ELF2: variants seen among roughly 807,000 people sequenced by gnomAD.
The protein encoded by ELF2 is ETS-related transcription factor Elf-2.
A neutral mutation model predicts 54.8 loss-of-function variants in ELF2; 11 were observed. The observed-to-expected ratio is 0.20, with a 90% CI of 0.13 to 0.33. The LOEUF is 0.33. Ranked by LOEUF, ELF2 falls within the 10% of genes least tolerant of loss-of-function variation. The pLI is 1.00. For missense variants in ELF2, 513 were observed against 703.0 expected, an observed-to-expected ratio of 0.73 and a Z score of 3.06; for synonymous variants, 203 against 245.1, an observed-to-expected ratio of 0.83 and a Z score of 1.61.
intron 1 of ELF2, among the ~76,000 whole-genome samples, chr4:139,150,658 A>G (rs1739785019): frequency 6.6e-6 from 1 of 152,178 alleles, no homozygotes; most frequent in South Asian, 2.1e-4. Context: ...ATGGAACACA[A>G]TATAGAGGCC....
chr4:139,170,076 A>G (rs2148915508), intron 1 of ELF2, among the ~76,000 whole-genome samples: 1 of 152,250 alleles, frequency 6.6e-6, no homozygotes, highest in East Asian at 1.9e-4. Flanking sequence ...TTCAAAATAG[A>G]TGATAAAATC....
intron 4 of ELF2, among the ~76,000 whole-genome samples, chr4:139,086,753 A>G (rs1732029177): frequency 6.6e-6 from 1 of 152,190 alleles, no homozygotes; most frequent in Admixed American, 6.5e-5. Context: ...GATACACAAG[A>G]CTGCTTATAT....
At chr4:139,084,539 C>G (rs901216128) in intron 4 of ELF2, 18 of 575,194 alleles carry the variant, frequency 3.1e-5, no homozygotes, top group Admixed American at 6.0e-5. Context: ...CGGACGCTTG[C>G]TCCAGAGAGC....
intron 3 of ELF2, among the ~76,000 whole-genome samples, chr4:139,127,773 T>C (rs1424623472): frequency 6.6e-6 from 1 of 152,046 alleles, no homozygotes; most frequent in Non-Finnish European, 1.5e-5. Flanking sequence ...GAGACCAACC[T>C]GGCCAATACA....
intron 4 of ELF2, among the ~76,000 whole-genome samples, chr4:139,087,875 T>C (rs969906851): frequency 1.3e-5 from 2 of 152,314 alleles, no homozygotes; most frequent in Non-Finnish European, 2.9e-5. Context: ...TTTCAAGGGT[T>C]TGAGTTGTTT....
intron 3 of ELF2, among the ~76,000 whole-genome samples, chr4:139,135,711 G>C (rs181944696): frequency 2.6e-5 from 4 of 152,136 alleles, no homozygotes; most frequent in African/African-American, 7.2e-5. Context: ...CCCCAGAATA[G>C]TTTGCCCTAC....
chr4:139,137,232 G>C (rs1239499805), intron 3 of ELF2: 1 of 165,622 alleles, frequency 6.0e-6, no homozygotes, highest in African/African-American at 2.4e-5. Context: ...AAATAATCAA[G>C]AAACAAAGAT....
In ELF2 at chr4:139,058,781, G is replaced by C; in HGVS notation, c.*202C>G. 3.0e-6 allele frequency: 2 copies of C among 677,746 alleles called. No individual in the cohort carries two copies. Among genetic ancestry groups the C allele is most frequent in the Non-Finnish European group, 4.6e-6 (2 of 433,948 alleles). 42.0% of individuals were successfully genotyped at this position (677,746 alleles called of 1,614,324 possible). A position where few individuals can be genotyped will look rare whatever the true frequency, so the allele number is the denominator to read the frequency against. On this transcript the variant is annotated 3_prime_UTR_variant, in exon 10 of 10. Transcript: ENST00000686138. ...CAGTTGTTTCCTACTGTAAGAGGCA[G>C]TTTTCTGTCAGCATCTCAATATGTA...
At chr4:139,172,594 A>C (rs1156549679) in intron 1 of ELF2, among the ~76,000 whole-genome samples, 1 of 152,230 alleles carries the variant, frequency 6.6e-6, no homozygotes, top group Non-Finnish European at 1.5e-5. Context: ...TGCCAAAAAG[A>C]AGCTGTAAAA....
chr4:139,139,575 G>GC, intron 1 of ELF2, 78 bp from the exon 2 acceptor site: 1 of 709,784 alleles, frequency 1.4e-6, no homozygotes, highest in Non-Finnish European at 1.9e-6. Flanking sequence ...ATGTGATTGA[G>GC]ATAGTAAATA....
rs144110039 is a variant in ELF2 at position 139,109,900 on chromosome 4, G to A, written c.238+15264C>T. 4.6e-3 allele frequency among the ~76,000 whole-genome samples: 706 copies of A among 152,280 alleles called. 7 individuals are homozygous for A. The highest frequency in any genetic ancestry group is 0.016 in the African/African-American group (672 of 41,552). The stretch of plus-strand genomic sequence containing the variant: ...CACGTGTACTGTGTTCACTATCTGG[G>A]TGATGGGATCAATAGAAGCCCAAAC... On this transcript the variant is annotated intron_variant, in intron 4 of 9. Coordinates refer to ENST00000686138, the MANE Select transcript of ELF2 (RefSeq NM_001331036.3).
At chr4:139,135,448 C>A (rs1738055407) in intron 3 of ELF2, among the ~76,000 whole-genome samples, 1 of 151,940 alleles carries the variant, frequency 6.6e-6, no homozygotes, top group Admixed American at 6.6e-5. Flanking sequence ...TTGCCCCACC[C>A]CTCACCTCAT....
intron 4 of ELF2, among the ~76,000 whole-genome samples, chr4:139,121,318 C>A (rs1036990944): frequency 2.0e-5 from 3 of 150,988 alleles, no homozygotes; most frequent in South Asian, 4.2e-4. Context: ...CCGTGTTAGC[C>A]AGGATGGTCT....
intron 1 of ELF2, among the ~76,000 whole-genome samples, chr4:139,173,871 C>G (rs1176673282): frequency 1.3e-5 from 2 of 151,530 alleles, no homozygotes; most frequent in Non-Finnish European, 2.9e-5. Flanking sequence ...GAGGATTGCT[C>G]AAGCCCAGGA....
At chr4:139,065,363 G>C (rs1404917630) in intron 7 of ELF2, among the ~76,000 whole-genome samples, 2 of 152,166 alleles carry the variant, frequency 1.3e-5, no homozygotes, top group East Asian at 1.9e-4. Flanking sequence ...TGTGGTCCCA[G>C]CTACTTGGGA....
rs1197598289 is a variant in ELF2 at position 139,057,862 on chromosome 4, T to C, written c.*1121A>G. ...TATCACCAGAGACCAAAACAGAAGATAAATTTCATTTCTATATTTCAGAAA... is the reference window on the plus strand; with the variant it reads ...TATCACCAGAGACCAAAACAGAAGACAAATTTCATTTCTATATTTCAGAAA... On this transcript the variant is annotated 3_prime_UTR_variant, in exon 10 of 10. Coordinates refer to ENST00000686138, the MANE Select transcript of ELF2 (RefSeq NM_001331036.3). 4.6e-5 allele frequency: 7 copies of C among 152,642 alleles called. No homozygotes were observed. The highest frequency in any genetic ancestry group is 1.2e-4 in the African/African-American group (5 of 41,464). The allele number at this position is 152,642 out of a possible 1,614,324, so 9.5% of individuals were successfully genotyped here.
chr4:139,116,654 T>C, intron 4 of ELF2: 1 of 985,256 alleles, frequency 1.0e-6, no homozygotes, highest in Non-Finnish European at 1.2e-6. Context: ...CCTACCAGCA[T>C]TGTCTTCCTT....
At chr4:139,076,688 T>A (rs1308911199) in intron 4 of ELF2, among the ~76,000 whole-genome samples, 2 of 152,200 alleles carry the variant, frequency 1.3e-5, no homozygotes, top group Admixed American at 1.3e-4. Flanking sequence ...TGTTTCAAGT[T>A]ATAAACAAAA....
intron 1 of ELF2, among the ~76,000 whole-genome samples, chr4:139,151,117 G>T (rs1029437587): frequency 2.0e-5 from 3 of 149,132 alleles, no homozygotes; most frequent in Admixed American, 6.7e-5. Context: ...TTAATAAATT[G>T]TGCTGGTACA....
Sources: gnomAD v4.1 joint callset for allele counts (sites outside exome capture counted in the v4.1 genomes callset) on GRCh38, gnomAD v4.1.1 for gene constraint, MANE v1.5 for transcripts, NCBI Gene and HGNC (gene_info 2026-07-23, HGNC 2026-07-21) for gene names.